SLC35F4: variants seen among roughly 807,000 people sequenced by gnomAD.
SLC35F4 encodes the protein solute carrier family 35 member F4, also known as chromosome 14 open reading frame 36.
A neutral mutation model predicts 44.2 loss-of-function variants in SLC35F4; 24 were observed. The ratio of observed to expected loss-of-function variants is 0.54; its 90% confidence interval spans 0.39 to 0.76. The LOEUF (loss-of-function observed/expected upper bound fraction) is 0.76, where lower values mean the gene tolerates loss of function less well. Ranked by LOEUF, SLC35F4 falls within the 30% of genes least tolerant of loss-of-function variation. The pLI is 0.00. For missense variants in SLC35F4, 562 were observed against 586.1 expected (o/e 0.96, Z 0.42); for synonymous variants, 238 against 223.6 (o/e 1.06, Z -0.57).
intron 1 of SLC35F4, among the ~76,000 whole-genome samples, chr14:57,881,142 CA>C (rs1012923385): frequency 1.8e-4 from 28 of 152,190 alleles, no homozygotes; most frequent in African/African-American, 6.8e-4. Context: ...ACGTCAAACT[CA>C]CACATTTTTC....
At chr14:57,957,615 A>G (rs572310492) in intron 1 of SLC35F4, among the ~76,000 whole-genome samples, 2 of 152,190 alleles carry the variant, frequency 1.3e-5, no homozygotes, top group Non-Finnish European at 2.9e-5. Context: ...CTAAGATCAA[A>G]CAAGATGACA....
intron 1 of SLC35F4, among the ~76,000 whole-genome samples, chr14:57,930,200 C>G (rs1029290166): frequency 2.0e-5 from 3 of 152,170 alleles, no homozygotes; most frequent in East Asian, 1.9e-4. Context: ...AGTGTGATTT[C>G]CTTCCTTGCC....
intron 1 of SLC35F4, among the ~76,000 whole-genome samples, chr14:57,855,049 T>C (rs899203855): frequency 1.3e-5 from 2 of 152,336 alleles, no homozygotes; most frequent in East Asian, 1.9e-4. Context: ...TTTGAAGTCA[T>C]AAAACTGATT....
At chr14:57,634,772 G>T (rs1443386404) in intron 1 of SLC35F4, among the ~76,000 whole-genome samples, 1 of 152,064 alleles carries the variant, frequency 6.6e-6, no homozygotes, top group African/African-American at 2.4e-5. Flanking sequence ...ACTGTGTGGA[G>T]AACGGACTAG....
Position 57,563,969 on chromosome 14 carries a change from C to A in SLC35F4, c.*166G>T. The A allele has an allele frequency of 1.4e-6, 1 of 694,630 alleles. No individual in the cohort carries two copies. Among genetic ancestry groups the A allele is most frequent in the South Asian group, 2.5e-5 (1 of 40,118 alleles). The allele number at this position is 694,630 out of a possible 1,614,324, so 43.0% of individuals were successfully genotyped here. On this transcript the variant is annotated 3_prime_UTR_variant, in exon 8 of 8. Transcript: ENST00000556826. The stretch of plus-strand genomic sequence containing the variant: ...AAAAATCCATTATGATTATTTACAC[C>A]AATTCCTTGATAAGCATATAAATGT...
At chr14:57,642,624 AT>A (rs752304267) in intron 1 of SLC35F4, among the ~76,000 whole-genome samples, 1 of 151,828 alleles carries the variant, frequency 6.6e-6, no homozygotes, top group Non-Finnish European at 1.5e-5. Flanking sequence ...CAATGTTGAT[AT>A]TTTTTTCCAA....
intron 1 of SLC35F4, among the ~76,000 whole-genome samples, chr14:57,845,615 C>G (rs887090264): frequency 3.9e-5 from 6 of 152,204 alleles, no homozygotes; most frequent in African/African-American, 1.4e-4. Flanking sequence ...GGAAAGTTAA[C>G]TGTGTTAAGT....
intron 1 of SLC35F4, among the ~76,000 whole-genome samples, chr14:57,632,830 G>A (rs148275179): frequency 6.6e-6 from 1 of 152,036 alleles, no homozygotes; most frequent in African/African-American, 2.4e-5. Flanking sequence ...CACCATTGGA[G>A]TATCATACAG....
chr14:57,978,858 G>A (rs114193274), intron 1 of SLC35F4, among the ~76,000 whole-genome samples: 2,310 of 152,230 alleles, frequency 0.015, 54 homozygotes, highest in African/African-American at 0.052. Flanking sequence ...CTTGGTCATC[G>A]TTTGCTCCTT....
intron 1 of SLC35F4, among the ~76,000 whole-genome samples, chr14:57,629,010 AG>A (rs2072626291): frequency 6.6e-6 from 1 of 152,200 alleles, no homozygotes; most frequent in African/African-American, 2.4e-5. Flanking sequence ...GCAAGTGCCC[AG>A]GAAAACAGCA....
At chr14:57,828,124 G>A (rs1883981446) in intron 1 of SLC35F4, among the ~76,000 whole-genome samples, 1 of 152,170 alleles carries the variant, frequency 6.6e-6, no homozygotes, top group South Asian at 2.1e-4. Context: ...CTCCAGTTGA[G>A]ATCACAGGAA....
intron 1 of SLC35F4, among the ~76,000 whole-genome samples, chr14:57,978,015 G>A (rs999860240): frequency 6.6e-5 from 10 of 152,268 alleles, no homozygotes; most frequent in African/African-American, 2.4e-4. Flanking sequence ...AGAAAAGAAA[G>A]TCTGGAGAAA....
At chr14:57,618,492 C>T (rs752032387) in intron 1 of SLC35F4, among the ~76,000 whole-genome samples, 6 of 152,168 alleles carry the variant, frequency 3.9e-5, no homozygotes, top group Admixed American at 2.0e-4. Flanking sequence ...CTGTGAGGAA[C>T]GGTGCACTCT....
intron 1 of SLC35F4, among the ~76,000 whole-genome samples, chr14:57,844,729 G>T (rs1885839268): frequency 6.6e-6 from 1 of 152,194 alleles, no homozygotes; most frequent in Non-Finnish European, 1.5e-5. Flanking sequence ...TGTCTGACCA[G>T]AAGAATAGCC....
intron 1 of SLC35F4, among the ~76,000 whole-genome samples, chr14:57,708,967 G>A (rs1332099351): frequency 6.6e-6 from 1 of 152,150 alleles, no homozygotes; most frequent in African/African-American, 2.4e-5. Flanking sequence ...GAGACTTTTA[G>A]TACTTTCACT....
At chr14:57,634,328 T>A (rs577442268) in intron 1 of SLC35F4, among the ~76,000 whole-genome samples, 1 of 152,292 alleles carries the variant, frequency 6.6e-6, no homozygotes, top group East Asian at 1.9e-4. Flanking sequence ...CTAGAGTACA[T>A]TCTCTCCTTC....
At chr14:57,797,114 A>G in intron 1 of SLC35F4, among the ~76,000 whole-genome samples, 1 of 152,236 alleles carries the variant, frequency 6.6e-6, no homozygotes, top group East Asian at 1.9e-4. Flanking sequence ...GGCAACTTCC[A>G]GGATTCATAA....
At chr14:57,733,480 C>A (rs531079466) in intron 1 of SLC35F4, among the ~76,000 whole-genome samples, 72 of 147,888 alleles carry the variant, frequency 4.9e-4, no homozygotes, top group African/African-American at 1.6e-3. Context: ...TAGATATAGC[C>A]AGAAAAAGCT....
At chr14:57,590,361 C>G (rs2070094423) in intron 2 of SLC35F4, among the ~76,000 whole-genome samples, 1 of 152,020 alleles carries the variant, frequency 6.6e-6, no homozygotes, top group South Asian at 2.1e-4. Context: ...CCACTGCACT[C>G]CAGTCTGGGT....
Sources: gnomAD v4.1 joint callset for allele counts (sites outside exome capture counted in the v4.1 genomes callset) on GRCh38, gnomAD v4.1.1 for gene constraint, MANE v1.5 for transcripts, NCBI Gene and HGNC (gene_info 2026-07-23, HGNC 2026-07-21) for gene names.